WSCD1: variants seen among roughly 807,000 people sequenced by gnomAD.
The protein encoded by WSCD1 is WSC domain sialate O sulfotransferase 1.
In WSCD1, 41 loss-of-function variants were observed where a neutral mutation model predicts 60.4. The ratio of observed to expected loss-of-function variants is 0.68; its 90% confidence interval spans 0.53 to 0.88. The LOEUF is 0.88. Ranked by LOEUF, WSCD1 falls within the 40% of genes least tolerant of loss-of-function variation. WSCD1 has a pLI of 0.00. For missense variants in WSCD1, 784 were observed against 796.2 expected (o/e 0.98, Z 0.18); for synonymous variants, 361 against 332.5 (o/e 1.09, Z -0.93).
rs557514794 is a variant in WSCD1 at position 6,093,400 on chromosome 17, C to A, written c.728-1702C>A. 4.6e-5 allele frequency among the ~76,000 whole-genome samples: 7 copies of A among 152,258 alleles called. No homozygotes were observed. In the South Asian group the frequency reaches 1.2e-3, roughly 27 times the overall value. On this transcript the variant is annotated intron_variant, in intron 4 of 8. Transcript: ENST00000317744. ...ACAGGGGTCACCCAGGATGTAGCTT[C>A]CCCCCAGGAGCTGTGTTCTGGAGGC...
chr17:6,097,541 C>T (rs766548443), intron 5 of WSCD1, among the ~76,000 whole-genome samples: 36 of 152,368 alleles, frequency 2.4e-4, no homozygotes, highest in East Asian at 7.7e-4. Flanking sequence ...TCTCACGTCG[C>T]GACACAAAGT....
At position 6,121,647 on chromosome 17, in the gene WSCD1, G is replaced by A. The variant is rs1404031629; in HGVS notation, c.*986G>A. On this transcript the variant is annotated 3_prime_UTR_variant, in exon 9 of 9. Transcript: ENST00000317744. ...TACACTAGCAGGATGGGTCTTGGGA[G>A]TTGGCATGGGGAGATTGTAAGGGCT... 6.6e-6 allele frequency: 1 copy of A among 152,290 alleles called. No homozygotes were observed. Among genetic ancestry groups the A allele is most frequent in the African/African-American group, 2.4e-5 (1 of 41,450 alleles). The allele number at this position is 152,290 out of a possible 1,614,324, so 9.4% of individuals were successfully genotyped here.
chr17:6,110,095 G>A lies in WSCD1; in HGVS notation c.1009+329G>A, dbSNP rs1911325004. ...AAGGTGGTAGGATTGGGAGGCGTGG[G>A]AAGAATGAGATCCCAGGAGCTGCAG... On this transcript the variant is annotated intron_variant, in intron 6 of 8. Transcript: ENST00000317744. This position sits in a 1 kb window ranked among gnomAD's most constrained non-coding sequence, Gnocchi z 4.8. Among the ~76,000 whole-genome samples, 1 of 152,194 alleles carries A rather than the reference G, an allele frequency of 6.6e-6. No homozygotes were observed. The highest frequency in any genetic ancestry group is 6.5e-5 in the Admixed American group (1 of 15,284).
At position 6,121,026 on chromosome 17, in the gene WSCD1, G is replaced by C. The variant is rs1006319702; in HGVS notation, c.*365G>C. On this transcript the variant is annotated 3_prime_UTR_variant, in exon 9 of 9. Coordinates refer to ENST00000317744, the MANE Select transcript of WSCD1 (RefSeq NM_015253.2). ...AGGTGCCAGGCCGTGTGCTCCTGGA[G>C]GCTGGCTGGCTGTCTCTCTCACACA... 1.3e-4 allele frequency: 33 copies of C among 259,426 alleles called. No homozygotes were observed. The highest frequency in any genetic ancestry group is 7.1e-4 in the African/African-American group (32 of 45,168). 16.1% of individuals were successfully genotyped at this position (259,426 alleles called of 1,614,324 possible). A position where few individuals can be genotyped will look rare whatever the true frequency, so the allele number is the denominator to read the frequency against.
At chr17:6,090,686 C>T (rs1909977306) in intron 4 of WSCD1, among the ~76,000 whole-genome samples, 181 bp downstream of exon 4, 1 of 152,080 alleles carries the variant, frequency 6.6e-6, no homozygotes. Flanking sequence ...TAGGATCCAT[C>T]GAAGGCTTAA....
In WSCD1 at chr17:6,118,220, G is replaced by A. The variant is rs186409117; in HGVS notation, c.1375+32G>A. The A allele has an allele frequency of 2.5e-6, 4 of 1,609,314 alleles. No individual in the cohort carries two copies. In the East Asian group the frequency reaches 8.9e-5, roughly 36 times the overall value. On this transcript the variant is annotated intron_variant, in intron 8 of 8. Coordinates refer to ENST00000317744, the MANE Select transcript of WSCD1 (RefSeq NM_015253.2). This position sits in a 1 kb window ranked among gnomAD's most constrained non-coding sequence, Gnocchi z 5.8. ...AAGGACCTTGCGGTGGGGGTGGGAG[G>A]CTTGTCAGTACAGGTAGGTTGCTCA...
At chr17:6,071,088 C>T (rs572991608) in intron 1 of WSCD1, 19 of 152,334 alleles carry the variant, frequency 1.2e-4, no homozygotes, top group African/African-American at 4.3e-4. Context: ...CCTCTCGTTC[C>T]GCTACCAAGA....
intron 1 of WSCD1, among the ~76,000 whole-genome samples, chr17:6,071,645 C>T (rs1037768574): frequency 5.9e-5 from 9 of 152,214 alleles, no homozygotes; most frequent in African/African-American, 2.2e-4. Context: ...GAGTGGGGGC[C>T]TTTCTTTTTT....
intron 2 of WSCD1, among the ~76,000 whole-genome samples, chr17:6,084,165 C>T (rs1909467733): frequency 6.6e-6 from 1 of 152,216 alleles, no homozygotes; most frequent in South Asian, 2.1e-4. Context: ...ATTCCAGTGC[C>T]AAATGGTGGC....
chr17:6,069,416 TGTGTGTGTGTGTGA>T (rs960779981), upstream of WSCD1: 27 of 326,980 alleles, frequency 8.3e-5, no homozygotes, highest in African/African-American at 5.1e-4. Flanking sequence ...TGTGTGTGTG[TGTGTGTGTGTGTGA>T]GAGAGAGAGA....
intron 2 of WSCD1, among the ~76,000 whole-genome samples, chr17:6,082,129 T>G (rs1284886212): frequency 6.6e-6 from 1 of 152,208 alleles, no homozygotes; most frequent in East Asian, 1.9e-4. Context: ...GTATTATTAT[T>G]ATATCGCAGT....
rs1413199351 is a variant in WSCD1 at position 6,118,893 on chromosome 17, G to A, written c.1375+705G>A. On this transcript the variant is annotated intron_variant, in intron 8 of 8. Coordinates refer to ENST00000317744, the MANE Select transcript of WSCD1 (RefSeq NM_015253.2). The surrounding 1 kb of genome is among the most constrained non-coding windows in gnomAD (Gnocchi z 5.8). The stretch of plus-strand genomic sequence containing the variant: ...TACCACAAAACTGGGGGATGGGGCA[G>A]GGGGTGGTGCTTAAGCAGCAGACAT... Among the ~76,000 whole-genome samples the A allele has an allele frequency of 6.6e-6, 1 of 152,226 alleles. No homozygotes were observed. The highest frequency in any genetic ancestry group is 1.9e-4 in the East Asian group (1 of 5,186).
In WSCD1 at chr17:6,080,334, G is replaced by A. The variant is rs901146098; in HGVS notation, c.-288-37G>A. 2.7e-5 allele frequency: 10 copies of A among 373,938 alleles called. No homozygotes were observed. Among genetic ancestry groups the A allele is most frequent in the Middle Eastern group, 7.3e-4 (1 of 1,366 alleles). The allele number at this position is 373,938 out of a possible 1,614,324, so 23.2% of individuals were successfully genotyped here. Reference sequence around the variant, plus strand: ...CCTGGGAGTGCCAGGTAGTGGACCCGCCTATTACATCTCGGTGCTCTTTCT... The same window carrying A: ...CCTGGGAGTGCCAGGTAGTGGACCCACCTATTACATCTCGGTGCTCTTTCT... On this transcript the variant is annotated intron_variant, in intron 1 of 8. Coordinates refer to ENST00000317744, the MANE Select transcript of WSCD1 (RefSeq NM_015253.2). This position sits in a 1 kb window ranked among gnomAD's most constrained non-coding sequence, Gnocchi z 6.6.
At chr17:6,072,070 G>A (rs1908578593) in intron 1 of WSCD1, among the ~76,000 whole-genome samples, 2 of 152,314 alleles carry the variant, frequency 1.3e-5, no homozygotes, top group South Asian at 4.1e-4. Context: ...CCTCAGCAGG[G>A]CCATTTCCAC....
Position 6,070,893 on chromosome 17 carries a change from C to T in WSCD1, c.-289+241C>T, listed in dbSNP as rs987391700. 5.6e-3 allele frequency among the ~76,000 whole-genome samples: 566 copies of T among 101,016 alleles called. 3 individuals carry two copies. Among genetic ancestry groups the T allele is most frequent in the African/African-American group, 0.02 (538 of 26,368 alleles). The allele number at this position is 101,016 out of a possible 152,430, so 66.3% of individuals were successfully genotyped here. ...GTTGTGGGGGGGCGGGGGCGGCGCT[C>T]GGCGCGGCCGGGATGGGGTGGGGGT... On this transcript the variant is annotated intron_variant, in intron 1 of 8. Coordinates refer to ENST00000317744, the MANE Select transcript of WSCD1 (RefSeq NM_015253.2).
chr17:6,095,308 G>A lies in WSCD1; in HGVS notation c.849+85G>A, dbSNP rs568902075. ...GAGGGGGGCACATGTGCTGGGCTGCGGGTGTCCCCTCTGGCAGTCCAGATG... is the reference window on the plus strand; with the variant it reads ...GAGGGGGGCACATGTGCTGGGCTGCAGGTGTCCCCTCTGGCAGTCCAGATG... On this transcript the variant is annotated intron_variant, in intron 5 of 8. Coordinates refer to ENST00000317744, the MANE Select transcript of WSCD1 (RefSeq NM_015253.2). 4.7e-4 allele frequency: 688 copies of A among 1,471,398 alleles called. 1 individual carries two copies. Among genetic ancestry groups the A allele is most frequent in the Admixed American group, 7.6e-4 (32 of 42,004 alleles). 91.1% of individuals were successfully genotyped at this position (1,471,398 alleles called of 1,614,324 possible).
At chr17:6,093,271 A>G (rs750864370) in intron 4 of WSCD1, among the ~76,000 whole-genome samples, 1 of 152,210 alleles carries the variant, frequency 6.6e-6, no homozygotes, top group Non-Finnish European at 1.5e-5. Context: ...CACCTGTTGC[A>G]GTATATGCAG....
intron 5 of WSCD1, among the ~76,000 whole-genome samples, chr17:6,105,816 A>AT (rs1022518545): frequency 2.2e-4 from 33 of 152,094 alleles, no homozygotes; most frequent in East Asian, 1.2e-3. Context: ...ATGCTGGTGG[A>AT]TTTTTTTTCC....
chr17:6,069,864 G>C (rs1908419023), upstream of WSCD1, among the ~76,000 whole-genome samples: 1 of 151,374 alleles, frequency 6.6e-6, no homozygotes, highest in Non-Finnish European at 1.5e-5. Flanking sequence ...GTGTGTGTAC[G>C]TGTGCGTGCC....
Sources: gnomAD v4.1 joint callset for allele counts (sites outside exome capture counted in the v4.1 genomes callset) on GRCh38, gnomAD v4.1.1 for gene constraint, Gnocchi (gnomAD v3.1) non-coding constraint, MANE v1.5 for transcripts, NCBI Gene and HGNC (gene_info 2026-07-23, HGNC 2026-07-21) for gene names.